Variants in KIAA1549L observed in about 807,000 individuals in gnomAD.
KIAA1549L encodes the protein KIAA1549 like, also known as UPF0606 protein KIAA1549L.
Under a neutral mutation model 160.7 loss-of-function variants are expected in KIAA1549L, and 88 were observed. The ratio of observed to expected loss-of-function variants is 0.55; its 90% CI spans 0.46 to 0.65. The LOEUF is 0.65. Among genes scored for constraint, KIAA1549L ranks in the 30% least tolerant of loss-of-function variants. The pLI, the probability that KIAA1549L is intolerant of heterozygous loss-of-function variation, is 0.00. For missense variants in KIAA1549L, 2,258 were observed against 2,437.5 expected, an observed-to-expected ratio of 0.93 and a Z score of 1.55; for synonymous variants, 950 against 976.7, an observed-to-expected ratio of 0.97 and a Z score of 0.51.
chr11:33,393,618 T>C (rs139911705), intron 1 of KIAA1549L, among the ~76,000 whole-genome samples: 1,582 of 152,308 alleles, frequency 0.01, 30 homozygotes, highest in African/African-American at 0.037. Context: ...AGGAAGATAC[T>C]ATAAAGTCAA....
At chr11:33,627,773 G>T (rs1297110252) in intron 16 of KIAA1549L, among the ~76,000 whole-genome samples, 1 of 151,788 alleles carries the variant, frequency 6.6e-6, no homozygotes, top group Non-Finnish European at 1.5e-5. Context: ...GGTTTTTTGT[G>T]TCTCTATTTC....
At chr11:33,435,770 A>ATGTG (rs1851342138) in intron 1 of KIAA1549L, among the ~76,000 whole-genome samples, 1 of 5,874 alleles carries the variant, frequency 1.7e-4, no homozygotes, top group Non-Finnish European at 2.7e-4. Flanking sequence ...ATATATATAT[A>ATGTG]TATATATATA....
chr11:33,630,562 C>G (rs190209167), intron 16 of KIAA1549L, among the ~76,000 whole-genome samples: 3,497 of 152,328 alleles, frequency 0.023, 141 homozygotes, highest in African/African-American at 0.074. Flanking sequence ...GTTTGTCACC[C>G]CTTTCTTTGA....
intron 10 of KIAA1549L, among the ~76,000 whole-genome samples, chr11:33,580,634 C>T (rs1354386240): frequency 6.7e-6 from 1 of 150,110 alleles, no homozygotes; most frequent in African/African-American, 2.5e-5. Flanking sequence ...AATAGGCTGA[C>T]CCTCTGGTAA....
At chr11:33,642,558 G>A (rs553453652) in intron 16 of KIAA1549L, among the ~76,000 whole-genome samples, 17 of 150,892 alleles carry the variant, frequency 1.1e-4, no homozygotes, top group African/African-American at 2.9e-4. Flanking sequence ...AACTAATTCC[G>A]ATTGGCTGAT....
intron 1 of KIAA1549L, among the ~76,000 whole-genome samples, chr11:33,446,390 C>T (rs1045683145): frequency 2.6e-5 from 4 of 152,078 alleles, no homozygotes; most frequent in Admixed American, 6.6e-5. Flanking sequence ...CCACTGTGCT[C>T]GGCGTTTTTT....
intron 1 of KIAA1549L, among the ~76,000 whole-genome samples, chr11:33,461,152 CT>C (rs977543854): frequency 6.6e-6 from 1 of 150,878 alleles, no homozygotes; most frequent in Admixed American, 6.6e-5. Flanking sequence ...AAATGGACTT[CT>C]TTTTTTTTCT....
chr11:33,646,562 A>C (rs1851729188), intron 17 of KIAA1549L, among the ~76,000 whole-genome samples: 1 of 152,256 alleles, frequency 6.6e-6, no homozygotes, highest in Admixed American at 6.5e-5. Context: ...AATAGAGCCA[A>C]GGAAGGCCAG....
intron 1 of KIAA1549L, among the ~76,000 whole-genome samples, chr11:33,528,622 A>G (rs551233269): frequency 6.6e-6 from 1 of 152,354 alleles, no homozygotes; most frequent in East Asian, 1.9e-4. Flanking sequence ...ATACATATAG[A>G]TATACACCAT....
chr11:33,451,821 C>T (rs935861574), intron 1 of KIAA1549L, among the ~76,000 whole-genome samples: 1 of 152,206 alleles, frequency 6.6e-6, no homozygotes, highest in Non-Finnish European at 1.5e-5. Context: ...CCTAAACAGC[C>T]AGCCTGGTTT....
intron 1 of KIAA1549L, among the ~76,000 whole-genome samples, chr11:33,400,097 A>G (rs887939773): frequency 3.3e-5 from 5 of 152,238 alleles, no homozygotes; most frequent in African/African-American, 1.2e-4. Flanking sequence ...AATTTCTAGA[A>G]CAGTCTTGTT....
At chr11:33,520,625 A>G (rs1853460689) in intron 1 of KIAA1549L, among the ~76,000 whole-genome samples, 1 of 151,462 alleles carries the variant, frequency 6.6e-6, no homozygotes, top group South Asian at 2.1e-4. Flanking sequence ...TGACACTAAA[A>G]TGGAGGATTA....
At chr11:33,439,945 C>T (rs1433857327) in intron 1 of KIAA1549L, among the ~76,000 whole-genome samples, 3 of 151,872 alleles carry the variant, frequency 2.0e-5, no homozygotes, top group Non-Finnish European at 4.4e-5. Flanking sequence ...TTCTGAGAGT[C>T]TTTGCCTTTT....
intron 1 of KIAA1549L, among the ~76,000 whole-genome samples, chr11:33,525,970 C>T (rs952383629): frequency 2.6e-5 from 4 of 152,098 alleles, no homozygotes; most frequent in African/African-American, 9.7e-5. Flanking sequence ...ACAGTTGCTG[C>T]AGCAAGCCCT....
chr11:33,648,398 A>G (rs1262593833), intron 17 of KIAA1549L, among the ~76,000 whole-genome samples: 1 of 151,738 alleles, frequency 6.6e-6, no homozygotes, highest in Non-Finnish European at 1.5e-5. Flanking sequence ...ATAGCTAACA[A>G]TACAGAGTAG....
At position 33,423,242 on chromosome 11, in the gene KIAA1549L, A is replaced by T. The variant is rs144411328; in HGVS notation, c.238+46353A>T. ...AGACACTAAAAGGGTTAGGACATCA[A>T]TTTGAAAAAAGCCCCTATCAGAGCC... On this transcript the variant is annotated intron_variant, in intron 1 of 20. Coordinates refer to ENST00000658780, the MANE Select transcript of KIAA1549L (RefSeq NM_012194.3). Among the ~76,000 whole-genome samples the T allele has an allele frequency of 1.2e-3, 179 of 152,348 alleles. 2 individuals are homozygous for T. In the Middle Eastern group the frequency reaches 0.024, roughly 20 times the overall value.
In KIAA1549L at chr11:33,454,993, G is replaced by A. The variant is rs188319630; in HGVS notation, c.238+78104G>A. On this transcript the variant is annotated intron_variant, in intron 1 of 20. Transcript: ENST00000658780. Reference sequence around the variant, plus strand: ...AGTCCCAGCTACTCGGGAGGCTGAGGCAGGAGAATGGCGTGAACCCAGGAG... The same window carrying A: ...AGTCCCAGCTACTCGGGAGGCTGAGACAGGAGAATGGCGTGAACCCAGGAG... Among the ~76,000 whole-genome samples, 1,232 of 152,292 alleles carry A rather than the reference G, an allele frequency of 8.1e-3. 17 individuals are homozygous for A. The highest frequency in any genetic ancestry group is 0.028 in the African/African-American group (1,167 of 41,540).
At chr11:33,518,504 A>G (rs1363331176) in intron 1 of KIAA1549L, among the ~76,000 whole-genome samples, 1 of 152,156 alleles carries the variant, frequency 6.6e-6, no homozygotes, top group Non-Finnish European at 1.5e-5. Flanking sequence ...TCAACTACAT[A>G]TTGGAGACTA....
At chr11:33,419,952 A>G (rs1850971386) in intron 1 of KIAA1549L, among the ~76,000 whole-genome samples, 1 of 152,146 alleles carries the variant, frequency 6.6e-6, no homozygotes, top group South Asian at 2.1e-4. Context: ...GAAGTGTTCA[A>G]AGAGACCGTA....
Sources: gnomAD v4.1 joint callset for allele counts (sites outside exome capture counted in the v4.1 genomes callset) on GRCh38, gnomAD v4.1.1 for gene constraint, MANE v1.5 for transcripts, NCBI Gene and HGNC (gene_info 2026-07-23, HGNC 2026-07-21) for gene names.